ADAM29: variants seen among roughly 807,000 people sequenced by gnomAD.
The protein encoded by ADAM29 is ADAM metallopeptidase domain 29, also known as disintegrin and metalloproteinase domain-containing protein 29.
For synonymous variants in ADAM29, 367 were observed against 342.3 expected, an observed-to-expected ratio of 1.07 and a Z score of -0.80; for missense variants, 969 against 1,001.8, an observed-to-expected ratio of 0.97 and a Z score of 0.44.
intron 4 of ADAM29, among the ~76,000 whole-genome samples, chr4:174,958,851 T>C (rs981985893): frequency 6.6e-6 from 1 of 151,876 alleles, no homozygotes; most frequent in African/African-American, 2.4e-5. Context: ...TTAGTTCAGC[T>C]TCAAATAACA....
At chr4:174,918,733 T>C (rs1238437208) in intron 1 of ADAM29, among the ~76,000 whole-genome samples, 1 of 151,650 alleles carries the variant, frequency 6.6e-6, no homozygotes, top group African/African-American at 2.4e-5. Context: ...TTCCTTGTAG[T>C]ACTTCTCTAA....
chr4:174,945,329 T>TGTGTATGAG (rs1744778394), intron 4 of ADAM29, among the ~76,000 whole-genome samples: 1 of 152,190 alleles, frequency 6.6e-6, no homozygotes, highest in African/African-American at 2.4e-5. Context: ...ATTTGAACAC[T>TGTGTATGAG]TTTAAATGGG....
intron 4 of ADAM29, among the ~76,000 whole-genome samples, chr4:174,942,614 C>A (rs1173179890): frequency 1.3e-5 from 2 of 152,122 alleles, no homozygotes; most frequent in Non-Finnish European, 2.9e-5. Context: ...CTTCACAGAG[C>A]AGTTGGGCCC....
chr4:174,946,555 G>A (rs945741908), intron 4 of ADAM29, among the ~76,000 whole-genome samples: 1 of 151,992 alleles, frequency 6.6e-6, no homozygotes, highest in Non-Finnish European at 1.5e-5. Context: ...GGTGAGAGAG[G>A]GTATCCTTGT....
intron 2 of ADAM29, among the ~76,000 whole-genome samples, chr4:174,928,678 A>C (rs1382051777): frequency 6.6e-6 from 1 of 152,106 alleles, no homozygotes; most frequent in Non-Finnish European, 1.5e-5. Flanking sequence ...CTGAAACAAA[A>C]GATGGGACAG....
At chr4:174,925,994 A>T (rs1159313980) in intron 2 of ADAM29, among the ~76,000 whole-genome samples, 5 of 152,178 alleles carry the variant, frequency 3.3e-5, no homozygotes, top group Admixed American at 6.5e-5. Flanking sequence ...AATCATTTTA[A>T]AAAAAATTGT....
intron 4 of ADAM29, among the ~76,000 whole-genome samples, chr4:174,952,229 G>A (rs540684245): frequency 2.6e-5 from 4 of 151,882 alleles, no homozygotes; most frequent in South Asian, 4.2e-4. Flanking sequence ...GGCTCTCCGC[G>A]GATTCTTCCT....
chr4:174,976,332 T>C lies in ADAM29; in HGVS notation c.807T>C (p.Tyr269=). Residue 269 remains tyrosine (Y), a synonymous_variant, in exon 5 of 5, where the codon TAT becomes TAC. Transcript: ENST00000359240. ...VDDVRKSVHL[Y]CKWKSENITP... is the part of the protein sequence containing the mutation. ...ATGTAAGGAAATCTGTGCACCTGTA[T>C]TGCAAGTGGAAGTCGGAGAACATTA... is the stretch of plus-strand genomic sequence containing the variant. The C allele has an allele frequency of 1.9e-6, 3 of 1,611,752 alleles. No homozygotes were observed. Among genetic ancestry groups the C allele is most frequent in the Non-Finnish European group, 2.5e-6 (3 of 1,179,282 alleles).
At chr4:174,946,158 T>C (rs1330940410) in intron 4 of ADAM29, among the ~76,000 whole-genome samples, 2 of 152,200 alleles carry the variant, frequency 1.3e-5, no homozygotes. Flanking sequence ...GTGTCATTTT[T>C]GACTTCTTTC....
rs2111128850 is a variant in ADAM29 at position 174,977,560 on chromosome 4, C to T, written c.2035C>T (p.Leu679=). 6.2e-7 allele frequency: 1 copy of T among 1,614,034 alleles called. No individual in the cohort carries two copies. The highest frequency in any genetic ancestry group is 8.5e-7 in the Non-Finnish European group (1 of 1,179,968). The change falls in exon 5 of 5, where the codon CTG becomes TTG. Residue 679 remains leucine, a synonymous_variant. Coordinates refer to ENST00000359240, the MANE Select transcript of ADAM29 (RefSeq NM_014269.4). ...AAAGAAGAAAAAGAAGTTCTGTTATCTGTGTATATTGTTGCTTATTGTTTT... is the reference window on the plus strand; with the variant it reads ...AAAGAAGAAAAAGAAGTTCTGTTATTTGTGTATATTGTTGCTTATTGTTTT... ...KRKKKKKFCY[L]CILLLIVLFI... is the part of the protein sequence containing the mutation.
intron 2 of ADAM29, among the ~76,000 whole-genome samples, chr4:174,927,925 G>T (rs989831541): frequency 3.9e-5 from 6 of 152,144 alleles, no homozygotes; most frequent in African/African-American, 1.4e-4. Context: ...ATCCAAGGGA[G>T]ACTTAATCCT....
rs1746753322 is a variant in ADAM29 at position 174,975,926 on chromosome 4, A to G, written c.401A>G (p.Tyr134Cys). 6.2e-7 allele frequency: 1 copy of G among 1,613,968 alleles called. No individual in the cohort carries two copies. Among genetic ancestry groups the G allele is most frequent in the African/African-American group, 1.3e-5 (1 of 75,052 alleles). ...QGILQINDFA[Y>C]EIKPLAFSTT... is the part of the protein sequence containing the mutation. ...ATATTACAGATAAATGACTTTGCTT[A>G]TGAAATCAAGCCCCTAGCATTTTCT... The change falls in exon 5 of 5, where the codon TAT becomes TGT. Residue 134 changes from tyrosine to cysteine, a missense_variant. Tyr to Cys is a radical substitution (Grantham distance 194). Coordinates refer to ENST00000359240, the MANE Select transcript of ADAM29 (RefSeq NM_014269.4).
At chr4:174,946,525 G>T (rs1429060269) in intron 4 of ADAM29, among the ~76,000 whole-genome samples, 2 of 151,978 alleles carry the variant, frequency 1.3e-5, no homozygotes, top group African/African-American at 4.8e-5. Context: ...AGGACTTCCA[G>T]TACCTTGTTG....
At chr4:174,967,474 G>T (rs1013330102) in intron 4 of ADAM29, among the ~76,000 whole-genome samples, 1 of 152,034 alleles carries the variant, frequency 6.6e-6, no homozygotes, top group Non-Finnish European at 1.5e-5. Context: ...CTCACAAAGT[G>T]GCTCTCATAT....
chr4:174,969,886 A>G (rs2111095891), intron 4 of ADAM29, among the ~76,000 whole-genome samples: 1 of 152,182 alleles, frequency 6.6e-6, no homozygotes, highest in African/African-American at 2.4e-5. Context: ...AAATTACTTA[A>G]TATTACTCTG....
intron 3 of ADAM29, among the ~76,000 whole-genome samples, chr4:174,931,575 T>TA (rs1743880530): frequency 6.6e-6 from 1 of 152,198 alleles, no homozygotes; most frequent in African/African-American, 2.4e-5. Context: ...ATATATATTG[T>TA]TGATAGAAAC....
chr4:174,962,430 T>A (rs952553766), intron 4 of ADAM29, among the ~76,000 whole-genome samples: 5 of 149,136 alleles, frequency 3.4e-5, no homozygotes, highest in Non-Finnish European at 5.9e-5. Context: ...GAGAATGGCG[T>A]GAACCCGGGA....
chr4:174,928,569 T>TA (rs70947474), intron 2 of ADAM29, among the ~76,000 whole-genome samples: 1 of 131,838 alleles, frequency 7.6e-6, no homozygotes, highest in Admixed American at 8.0e-5. Context: ...GTCATGTGCT[T>TA]AAAAAAAAAA....
chr4:174,973,903 C>T lies in ADAM29; in HGVS notation c.-180-1443C>T, dbSNP rs75617302. On this transcript the variant is annotated intron_variant, in intron 4 of 4. Coordinates refer to ENST00000359240, the MANE Select transcript of ADAM29 (RefSeq NM_014269.4). ...ATATCAAGTTTGATGGATAATACTT[C>T]TGTGGCTCATTCAGGCTGCATTTCA... is the stretch of plus-strand genomic sequence containing the variant. 3.7e-3 allele frequency among the ~76,000 whole-genome samples: 559 copies of T among 152,312 alleles called. 4 individuals carry two copies. Among genetic ancestry groups the T allele is most frequent in the Middle Eastern group, 0.017 (5 of 294 alleles).
Sources: gnomAD v4.1 joint callset for allele counts (sites outside exome capture counted in the v4.1 genomes callset) on GRCh38, gnomAD v4.1.1 for gene constraint, MANE v1.5 for transcripts, NCBI Gene and HGNC (gene_info 2026-07-23, HGNC 2026-07-21) for gene names.